The following PTGER3 variants were observed in gnomAD, a reference collection of about 807,000 sequenced individuals.
PTGER3 encodes prostaglandin E2 receptor EP3 subtype.
In PTGER3, 22 loss-of-function variants were observed where a neutral mutation model predicts 34.7. The ratio of observed to expected loss-of-function variants is 0.63; its 90% confidence interval spans 0.45 to 0.91. The LOEUF (loss-of-function observed/expected upper bound fraction) is 0.91, where lower values mean the gene tolerates loss of function less well. Among genes scored for constraint, PTGER3 ranks in the 40% least tolerant of loss-of-function variants. The pLI is 0.00. For missense variants in PTGER3, 468 were observed against 519.4 expected (o/e 0.90, Z 0.96); for synonymous variants, 241 against 230.1 (o/e 1.05, Z -0.43).
intron 2 of PTGER3, chr1:71,006,005 C>G: frequency 3.6e-6 from 2 of 549,550 alleles, no homozygotes; most frequent in Non-Finnish European, 4.6e-6. Flanking sequence ...TTTATCATTT[C>G]TTTGTGTTGG....
chr1:70,976,300 G>A (rs1328591369), intron 2 of PTGER3, among the ~76,000 whole-genome samples: 1 of 152,084 alleles, frequency 6.6e-6, no homozygotes, highest in Non-Finnish European at 1.5e-5. Context: ...CCCATGGAAT[G>A]TACAACAGCA....
At chr1:70,961,164 A>G (rs1481100983) in intron 2 of PTGER3, among the ~76,000 whole-genome samples, 1 of 152,212 alleles carries the variant, frequency 6.6e-6, no homozygotes, top group Non-Finnish European at 1.5e-5. Context: ...AAAAAATGCA[A>G]AATCCTCGGC....
chr1:70,938,850 G>A (rs945636383), intron 4 of PTGER3, among the ~76,000 whole-genome samples: 4 of 152,046 alleles, frequency 2.6e-5, no homozygotes, highest in Non-Finnish European at 4.4e-5. Flanking sequence ...TCTAGATTTG[G>A]GTAGGGACAT....
chr1:71,024,719 T>G (rs991567633), intron 1 of PTGER3, among the ~76,000 whole-genome samples: 1 of 147,522 alleles, frequency 6.8e-6, no homozygotes, highest in African/African-American at 2.5e-5. Context: ...CGTGCATAGC[T>G]AATTTTTGTA....
At chr1:70,862,494 G>A in intron 4 of PTGER3, 1 of 723,284 alleles carries the variant, frequency 1.4e-6, no homozygotes, top group Non-Finnish European at 2.2e-6. Context: ...TGGTGTAATG[G>A]TGAACTATAG....
At chr1:71,022,770 A>C (rs758918812) in intron 1 of PTGER3, among the ~76,000 whole-genome samples, 4 of 151,322 alleles carry the variant, frequency 2.6e-5, no homozygotes, top group Non-Finnish European at 5.9e-5. Flanking sequence ...AATGAACAGA[A>C]TCTGTTTAGG....
At chr1:71,046,309 C>T (rs1163959920) in intron 1 of PTGER3, among the ~76,000 whole-genome samples, 1 of 146,668 alleles carries the variant, frequency 6.8e-6, no homozygotes, top group Non-Finnish European at 1.5e-5. Context: ...AAAAAAAACC[C>T]CACAATATCA....
At chr1:71,007,340 G>C in intron 2 of PTGER3, 1 of 985,784 alleles carries the variant, frequency 1.0e-6, no homozygotes, top group Non-Finnish European at 1.2e-6. Flanking sequence ...TTGATAAGGA[G>C]AGCAAGAAGG....
intron 4 of PTGER3, among the ~76,000 whole-genome samples, chr1:70,905,391 A>G (rs796097575): frequency 1.3e-5 from 2 of 152,066 alleles, no homozygotes; most frequent in South Asian, 4.1e-4. Flanking sequence ...AGCCTGCACC[A>G]TGCACCTGGA....
chr1:70,928,303 CT>C (rs1338227503), intron 4 of PTGER3, among the ~76,000 whole-genome samples: 3 of 150,274 alleles, frequency 2.0e-5, no homozygotes, highest in Non-Finnish European at 4.4e-5. Flanking sequence ...GTTAAAATAC[CT>C]TTGATTACAA....
intron 3 of PTGER3, among the ~76,000 whole-genome samples, chr1:70,973,853 G>A (rs1279317284): frequency 6.6e-6 from 1 of 152,116 alleles, no homozygotes; most frequent in East Asian, 1.9e-4. Context: ...GCCTTTTAGA[G>A]TACTCATTCA....
At chr1:70,935,666 AATATAAAT>A (rs1336327124) in intron 4 of PTGER3, among the ~76,000 whole-genome samples, 2 of 41,450 alleles carry the variant, frequency 4.8e-5, no homozygotes, top group Admixed American at 2.9e-4. Context: ...TAAGGATACA[AATATAAAT>A]ATATATATAT....
intron 4 of PTGER3, among the ~76,000 whole-genome samples, chr1:70,926,815 G>C (rs1648138210): frequency 4.0e-5 from 6 of 151,884 alleles, no homozygotes; most frequent in Middle Eastern, 3.2e-3. Context: ...TTGGCTGTGG[G>C]TTTGTCATAG....
intron 4 of PTGER3, among the ~76,000 whole-genome samples, chr1:70,863,544 A>G (rs1407683715): frequency 6.6e-6 from 1 of 152,200 alleles, no homozygotes; most frequent in Non-Finnish European, 1.5e-5. Flanking sequence ...TATTTAGGAC[A>G]ATGTTTTCAA....
chr1:71,017,808 A>G (rs1162152859), intron 1 of PTGER3, among the ~76,000 whole-genome samples: 1 of 152,136 alleles, frequency 6.6e-6, no homozygotes, highest in Non-Finnish European at 1.5e-5. Context: ...TCTGTTCCCC[A>G]GGCTGGAATG....
chr1:71,047,195 C>A lies in PTGER3; in HGVS notation c.383G>T (p.Arg128Leu). 2 of 1,599,102 alleles carry A rather than the reference C, an allele frequency of 1.3e-6. No individual in the cohort carries two copies. Among genetic ancestry groups the A allele is most frequent in the Non-Finnish European group, 1.7e-6 (2 of 1,173,104 alleles). ...GGTCAGCCCGAAAAAGGTGCAGAGCCGCCCCGACGGGTCGATGTGCTCCCA... is the reference window on the plus strand; with the variant it reads ...GGTCAGCCCGAAAAAGGTGCAGAGCAGCCCCGACGGGTCGATGTGCTCCCA... ...QRWEHIDPSGRLCTFFGLTMT... is the reference protein window; with the variant it reads ...QRWEHIDPSGLLCTFFGLTMT... Residue 128 changes from arginine (R) to leucine (L), a missense_variant, in exon 1 of 4, where the codon CGG becomes CTG. Transcript: ENST00000306666.
intron 2 of PTGER3, among the ~76,000 whole-genome samples, chr1:70,994,319 G>C (rs763310904): frequency 3.3e-5 from 5 of 152,186 alleles, no homozygotes; most frequent in African/African-American, 7.2e-5. Context: ...TACCGGGATG[G>C]AAAAAGAGGC....
chr1:70,982,203 C>A (rs1654444766), intron 2 of PTGER3, among the ~76,000 whole-genome samples: 1 of 152,152 alleles, frequency 6.6e-6, no homozygotes, highest in Non-Finnish European at 1.5e-5. Flanking sequence ...TTAAGAGGGA[C>A]TTTTTCTCCA....
At chr1:70,962,047 G>A (rs919028392) in intron 2 of PTGER3, among the ~76,000 whole-genome samples, 2 of 152,132 alleles carry the variant, frequency 1.3e-5, no homozygotes, top group Non-Finnish European at 2.9e-5. Context: ...TTTTGCAGCA[G>A]CACTGCAAGT....
Sources: allele counts gnomAD v4.1 joint callset (sites outside exome capture counted in the v4.1 genomes callset), GRCh38; gene constraint gnomAD v4.1.1; transcripts MANE v1.5; gene names NCBI Gene and HGNC (gene_info 2026-07-23, HGNC 2026-07-21).